Variants in TUT4 observed in about 807,000 individuals in gnomAD.
TUT4 encodes terminal uridylyl transferase 4, also known as terminal uridylyltransferase 4.
TUT4 carries 36 observed loss-of-function variants against 192.2 expected under a neutral mutation model. The ratio of observed to expected loss-of-function variants is 0.19; its 90% CI spans 0.14 to 0.25. The LOEUF (loss-of-function observed/expected upper bound fraction) is 0.25, where lower values mean the gene tolerates loss of function less well. TUT4 is among the 10% of genes least tolerant of loss of function. TUT4 has a pLI of 1.00. For missense variants in TUT4, 1,493 were observed against 1,957.2 expected, an observed-to-expected ratio of 0.76 and a Z score of 4.47; for synonymous variants, 618 against 666.0, an observed-to-expected ratio of 0.93 and a Z score of 1.11.
chr1:52,439,312 C>T (rs1225895628), intron 24 of TUT4, among the ~76,000 whole-genome samples: 2 of 152,118 alleles, frequency 1.3e-5, no homozygotes, highest in African/African-American at 4.8e-5. Context: ...TTTAATACAG[C>T]TTTTTAAGAA....
chr1:52,466,599 T>C (rs564942368), intron 15 of TUT4, among the ~76,000 whole-genome samples: 4 of 149,382 alleles, frequency 2.7e-5, no homozygotes, highest in Non-Finnish European at 4.4e-5. Flanking sequence ...GATCACATGA[T>C]TGCACCACTG....
intron 20 of TUT4, among the ~76,000 whole-genome samples, chr1:52,456,798 A>G (rs1241015722): frequency 6.6e-6 from 1 of 152,202 alleles, no homozygotes; most frequent in Non-Finnish European, 1.5e-5. Context: ...TGTGTACATC[A>G]TTATATATTG....
chr1:52,508,498 G>A (rs1036844983), intron 4 of TUT4, among the ~76,000 whole-genome samples: 1 of 152,118 alleles, frequency 6.6e-6, no homozygotes, highest in Non-Finnish European at 1.5e-5. Flanking sequence ...ACTATGTTGA[G>A]CACCTACTGT....
chr1:52,501,758 G>C (rs1674146979), intron 4 of TUT4, among the ~76,000 whole-genome samples: 1 of 152,118 alleles, frequency 6.6e-6, no homozygotes, highest in Admixed American at 6.5e-5. Context: ...ATACAGATAC[G>C]ATGGAATATT....
intron 20 of TUT4, among the ~76,000 whole-genome samples, chr1:52,450,016 G>T (rs976419273): frequency 6.6e-6 from 1 of 152,006 alleles, no homozygotes; most frequent in African/African-American, 2.4e-5. Context: ...ATCTTTTTTG[G>T]AATTAATTTT....
chr1:52,527,542 ACT>A (rs1221449468), intron 1 of TUT4, among the ~76,000 whole-genome samples: 1 of 152,092 alleles, frequency 6.6e-6, no homozygotes, highest in Non-Finnish European at 1.5e-5. Context: ...ACAGAGTAAG[ACT>A]CTGTCTCAAA....
intron 1 of TUT4, among the ~76,000 whole-genome samples, chr1:52,545,347 A>G (rs1365467394): frequency 6.6e-6 from 1 of 151,250 alleles, no homozygotes; most frequent in East Asian, 1.9e-4. Context: ...ACTGCTCTAC[A>G]GTCTGGGTGA....
intron 1 of TUT4, among the ~76,000 whole-genome samples, chr1:52,550,643 C>T (rs1425778574): frequency 6.6e-6 from 1 of 151,978 alleles, no homozygotes; most frequent in African/African-American, 2.4e-5. Flanking sequence ...CAGACGCACA[C>T]CACCACGCCC....
chr1:52,516,998 C>T (rs1268328236), intron 2 of TUT4, among the ~76,000 whole-genome samples: 2 of 152,174 alleles, frequency 1.3e-5, no homozygotes, highest in African/African-American at 2.4e-5. Context: ...ACACTTTTCA[C>T]TTCATATTAA....
At chr1:52,432,995 T>C (rs955272372) in intron 27 of TUT4, 1 of 152,240 alleles carries the variant, frequency 6.6e-6, no homozygotes, top group Non-Finnish European at 1.5e-5. Flanking sequence ...TAAAAGGCTG[T>C]TGAGACTGAT....
At chr1:52,537,330 G>A (rs539642508) in intron 1 of TUT4, among the ~76,000 whole-genome samples, 1 of 151,942 alleles carries the variant, frequency 6.6e-6, no homozygotes, top group East Asian at 1.9e-4. Context: ...AGAGAGCTGG[G>A]GCTAAATTAT....
intron 24 of TUT4, among the ~76,000 whole-genome samples, 157 bp downstream of exon 24, chr1:52,445,630 A>G (rs1257128204): frequency 1.3e-5 from 2 of 152,246 alleles, no homozygotes; most frequent in African/African-American, 2.4e-5. Flanking sequence ...TTGAAAATAT[A>G]TATCTCACTA....
chr1:52,502,497 A>C (rs1191712575), intron 4 of TUT4, among the ~76,000 whole-genome samples: 1 of 151,290 alleles, frequency 6.6e-6, no homozygotes, highest in Non-Finnish European at 1.5e-5. Context: ...TAATACTATC[A>C]CCTGTGCTCT....
chr1:52,507,847 C>T (rs1240299325), intron 4 of TUT4, among the ~76,000 whole-genome samples: 1 of 152,176 alleles, frequency 6.6e-6, no homozygotes, highest in South Asian at 2.1e-4. Flanking sequence ...GTCTCGCTCC[C>T]TCGCCCAGAC....
chr1:52,529,697 T>A (rs1279670038), intron 1 of TUT4: 1 of 151,996 alleles, frequency 6.6e-6, no homozygotes, highest in Non-Finnish European at 1.5e-5. Context: ...ACTTAAAAAA[T>A]ACTCCATAAA....
chr1:52,452,952 G>C (rs905485597), intron 20 of TUT4, among the ~76,000 whole-genome samples: 1 of 152,164 alleles, frequency 6.6e-6, no homozygotes, highest in African/African-American at 2.4e-5. Flanking sequence ...TACTACAGAT[G>C]GTGCCAGAAT....
At chr1:52,432,640 G>A (rs952713493) in intron 27 of TUT4, 2 of 152,244 alleles carry the variant, frequency 1.3e-5, no homozygotes, top group Non-Finnish European at 2.9e-5. Context: ...GCTGATGAGA[G>A]ACAGGAACAG....
In TUT4 at chr1:52,423,471, T is replaced by C. The variant is rs566128132; in HGVS notation, c.*464A>G. 8 of 176,692 alleles carry C rather than the reference T, an allele frequency of 4.5e-5. No homozygotes were observed. The highest frequency in any genetic ancestry group is 8.5e-5 in the Non-Finnish European group (7 of 82,026). 10.9% of individuals were successfully genotyped at this position (176,692 alleles called of 1,614,324 possible). Reference sequence around the variant, plus strand: ...TGGCACTACAAGGTTCTGTAAAGAATAGAAGTGACAATTTAAAACACATGA... The same window carrying C: ...TGGCACTACAAGGTTCTGTAAAGAACAGAAGTGACAATTTAAAACACATGA... On this transcript the variant is annotated 3_prime_UTR_variant, in exon 30 of 30. Transcript: ENST00000257177.
At chr1:52,527,481 G>C (rs980158811) in intron 1 of TUT4, among the ~76,000 whole-genome samples, 3 of 152,058 alleles carry the variant, frequency 2.0e-5, no homozygotes, top group Non-Finnish European at 2.9e-5. Context: ...GGACCCAGGA[G>C]GCGGAGGTTG....
Sources: gnomAD v4.1 joint callset for allele counts (sites outside exome capture counted in the v4.1 genomes callset) on GRCh38, gnomAD v4.1.1 for gene constraint, MANE v1.5 for transcripts, NCBI Gene and HGNC (gene_info 2026-07-23, HGNC 2026-07-21) for gene names.